ATP6V0E1: variants seen among roughly 807,000 people sequenced by gnomAD.
ATP6V0E1 encodes V-type proton ATPase subunit e 1.
A neutral mutation model predicts 11.6 loss-of-function variants in ATP6V0E1; 4 were observed. That is an observed-to-expected ratio of 0.35 (90% CI 0.17 to 0.79). ATP6V0E1 has a LOEUF of 0.79. Ranked by LOEUF, ATP6V0E1 falls within the 30% of genes least tolerant of loss-of-function variation. The pLI, the probability that ATP6V0E1 is intolerant of heterozygous loss-of-function variation, is 0.54. For missense variants in ATP6V0E1, 105 were observed against 100.0 expected (o/e 1.05, Z -0.21); for synonymous variants, 36 against 34.8 (o/e 1.04, Z -0.13).
rs774735828 is a variant in ATP6V0E1, at chr5:172,992,008, G to GTCTA, written c.105-2764_105-2763insATCT. On this transcript the variant is annotated intron_variant, in intron 1 of 3. Transcript: ENST00000519374. Reference sequence around the variant, plus strand: ...CTTTCTTTCCTTCTTTCTTCTTTCTGTCTGTCTTTCTGTCTTTCTTTCTCT... The same window carrying GTCTA: ...CTTTCTTTCCTTCTTTCTTCTTTCTGTCTATCTGTCTTTCTGTCTTTCTTTCTCT... Among the ~76,000 whole-genome samples, 456 of 148,100 alleles carry GTCTA rather than the reference G, an allele frequency of 3.1e-3. 1 individual carries two copies. Among genetic ancestry groups the GTCTA allele is most frequent in the African/African-American group, 0.011 (439 of 38,822 alleles).
At chr5:172,987,856 G>A (rs1755919626) in intron 1 of ATP6V0E1, among the ~76,000 whole-genome samples, 1 of 151,978 alleles carries the variant, frequency 6.6e-6, no homozygotes, top group African/African-American at 2.4e-5. Context: ...TAGGACATAG[G>A]CGTGCACCAC....
intron 2 of ATP6V0E1, among the ~76,000 whole-genome samples, chr5:173,008,083 C>A (rs1756256732): frequency 6.6e-6 from 1 of 152,194 alleles, no homozygotes; most frequent in African/African-American, 2.4e-5. Context: ...CGGCCTACGC[C>A]TGAAATGTCC....
intron 2 of ATP6V0E1, among the ~76,000 whole-genome samples, chr5:173,008,065 G>C (rs1045509786): frequency 6.6e-6 from 1 of 152,194 alleles, no homozygotes; most frequent in Non-Finnish European, 1.5e-5. Flanking sequence ...CACCCACTCC[G>C]CGACCTCCGG....
chr5:173,004,543 G>C (rs144954379), intron 2 of ATP6V0E1, among the ~76,000 whole-genome samples: 2 of 152,106 alleles, frequency 1.3e-5, no homozygotes, highest in African/African-American at 4.8e-5. Context: ...GAAAGGGGAA[G>C]ATTTGGAAGA....
Position 172,995,889 on chromosome 5 carries a change from C to T in ATP6V0E1, c.152+1067C>T, listed in dbSNP as rs793219. ...TAAGCCTCCCAAAGTGCTAGGATTA[C>T]AGGCATGAGTCACTACACCCAGCCA... On this transcript the variant is annotated intron_variant, in intron 2 of 3. Transcript: ENST00000519374. 5.2e-3 allele frequency among the ~76,000 whole-genome samples: 793 copies of T among 152,318 alleles called. 2 individuals carry two copies. The highest frequency in any genetic ancestry group is 0.018 in the African/African-American group (750 of 41,580).
At chr5:173,029,020 A>G (rs1756602619) in intron 3 of ATP6V0E1, among the ~76,000 whole-genome samples, 1 of 152,210 alleles carries the variant, frequency 6.6e-6, no homozygotes. Context: ...CCACAGTCTG[A>G]AGGCATAGAA....
In ATP6V0E1 at chr5:172,994,816, A is replaced by G. The variant is rs372332112; in HGVS notation, c.146A>G (p.Tyr49Cys). ...TTGGTGACCTGTTCAGTTTGCTGCT[A>G]TCTCTTGTAAGTAATTTTTTCTTAA... is the stretch of plus-strand genomic sequence containing the variant. Reference protein sequence around the residue: ...TMLVTCSVCCYLFWLIAILAQ... With the variant: ...TMLVTCSVCCCLFWLIAILAQ... Residue 49 changes from tyrosine to cysteine, a missense_variant, in exon 2 of 4, where the codon TAT becomes TGT. Transcript: ENST00000519374. 11 of 1,596,666 alleles carry G rather than the reference A, an allele frequency of 6.9e-6. No individual in the cohort carries two copies. Among genetic ancestry groups the G allele is most frequent in the Non-Finnish European group, 9.4e-6 (11 of 1,173,172 alleles).
At chr5:172,991,111 C>A (rs1755972383) in intron 1 of ATP6V0E1, among the ~76,000 whole-genome samples, 3 of 152,054 alleles carry the variant, frequency 2.0e-5, no homozygotes, top group African/African-American at 7.2e-5. Flanking sequence ...GCTACTGCAT[C>A]CAGCTAACTC....
At chr5:172,986,777 TTTTGTTTGTTTG>T (rs142836180) in intron 1 of ATP6V0E1, 11 of 427,700 alleles carry the variant, frequency 2.6e-5, no homozygotes, top group African/African-American at 6.2e-5. Context: ...TTTTTGTTGT[TTTTGTTTGTTTG>T]TTTGTTTGTT....
At chr5:172,986,644 C>T (rs897973125) in intron 1 of ATP6V0E1, 2 of 424,298 alleles carry the variant, frequency 4.7e-6, no homozygotes, top group African/African-American at 4.2e-5. Flanking sequence ...TGAAACAAGT[C>T]CAGTGTCAGA....
At chr5:173,008,348 G>A (rs539897121) in intron 2 of ATP6V0E1, among the ~76,000 whole-genome samples, 3 of 141,898 alleles carry the variant, frequency 2.1e-5, no homozygotes, top group African/African-American at 7.9e-5. Context: ...TCACCAGGCT[G>A]GAGTGCAGTG....
intron 2 of ATP6V0E1, among the ~76,000 whole-genome samples, chr5:172,997,186 A>T (rs1756078550): frequency 6.6e-6 from 1 of 152,140 alleles, no homozygotes; most frequent in South Asian, 2.1e-4. Flanking sequence ...AAATTGTCAA[A>T]TTTTCCAATG....
At chr5:173,010,779 C>T (rs1756308972) in intron 2 of ATP6V0E1, among the ~76,000 whole-genome samples, 1 of 152,166 alleles carries the variant, frequency 6.6e-6, no homozygotes, top group Non-Finnish European at 1.5e-5. Context: ...TTCCCCATTC[C>T]AGTAGGGAAG....
At chr5:172,998,830 T>C (rs1756111531) in intron 2 of ATP6V0E1, among the ~76,000 whole-genome samples, 1 of 151,990 alleles carries the variant, frequency 6.6e-6, no homozygotes, top group Non-Finnish European at 1.5e-5. Context: ...GTAAGGTCAG[T>C]GGTGGTACCT....
intron 3 of ATP6V0E1, among the ~76,000 whole-genome samples, chr5:173,022,905 G>A (rs1756505929): frequency 6.6e-6 from 1 of 151,704 alleles, no homozygotes; most frequent in Non-Finnish European, 1.5e-5. Context: ...TCTTTCTATG[G>A]CCCAGGCTGG....
chr5:172,987,757 A>G (rs1266719414), intron 1 of ATP6V0E1, among the ~76,000 whole-genome samples: 2 of 151,848 alleles, frequency 1.3e-5, no homozygotes, highest in Non-Finnish European at 2.9e-5. Context: ...ACTGTCACCC[A>G]GGCTGGAGTG....
At chr5:173,009,119 G>A (rs552419726) in intron 2 of ATP6V0E1, among the ~76,000 whole-genome samples, 38 of 151,752 alleles carry the variant, frequency 2.5e-4, no homozygotes, top group East Asian at 3.9e-4. Flanking sequence ...CCAGCTACTC[G>A]GGAGGCTGAG....
intron 2 of ATP6V0E1, among the ~76,000 whole-genome samples, chr5:173,017,046 C>G (rs1335641547): frequency 6.6e-6 from 1 of 152,130 alleles, no homozygotes; most frequent in African/African-American, 2.4e-5. Flanking sequence ...CCAGCAATCT[C>G]TCCATTGGTG....
intron 1 of ATP6V0E1, among the ~76,000 whole-genome samples, chr5:172,994,215 G>A (rs1756028485): frequency 6.6e-6 from 1 of 152,146 alleles, no homozygotes; most frequent in Non-Finnish European, 1.5e-5. Flanking sequence ...GGATGTGAGG[G>A]TGGGTCGGTT....
Sources: allele counts gnomAD v4.1 joint callset (sites outside exome capture counted in the v4.1 genomes callset), GRCh38; gene constraint gnomAD v4.1.1; transcripts MANE v1.5; gene names NCBI Gene and HGNC (gene_info 2026-07-23, HGNC 2026-07-21).